KIAA1549L: variants seen among roughly 807,000 people sequenced by gnomAD.
KIAA1549L encodes KIAA1549 like.
KIAA1549L carries 88 observed loss-of-function variants against 160.7 expected under a neutral mutation model. The ratio of observed to expected loss-of-function variants is 0.55; its 90% CI spans 0.46 to 0.65. KIAA1549L has a LOEUF of 0.65. Among genes scored for constraint, KIAA1549L ranks in the 30% least tolerant of loss-of-function variants. The probability of loss-of-function intolerance (pLI) is 0.00; values close to 1 mark genes in which losing one functional copy is unlikely to be tolerated. For missense variants in KIAA1549L, 2,258 were observed against 2,437.5 expected (o/e 0.93, Z 1.55); for synonymous variants, 950 against 976.7 (o/e 0.97, Z 0.51).
chr11:33,416,041 T>C (rs1850881093), intron 1 of KIAA1549L, among the ~76,000 whole-genome samples: 1 of 152,040 alleles, frequency 6.6e-6, no homozygotes, highest in Non-Finnish European at 1.5e-5. Flanking sequence ...TGTCATAAAC[T>C]AATCAACCAA....
At chr11:33,531,632 C>A (rs1296187986) in intron 1 of KIAA1549L, among the ~76,000 whole-genome samples, 2 of 152,176 alleles carry the variant, frequency 1.3e-5, no homozygotes, top group Non-Finnish European at 2.9e-5. Context: ...TCAACAGAAT[C>A]TTCTATTTGC....
chr11:33,498,354 A>G (rs1852867959), intron 1 of KIAA1549L, among the ~76,000 whole-genome samples: 2 of 152,088 alleles, frequency 1.3e-5, no homozygotes, highest in Non-Finnish European at 2.9e-5. Flanking sequence ...TCCTGCTCTC[A>G]TTGGAATACA....
intron 1 of KIAA1549L, among the ~76,000 whole-genome samples, chr11:33,420,940 G>A (rs1425276651): frequency 6.6e-6 from 1 of 152,122 alleles, no homozygotes; most frequent in Non-Finnish European, 1.5e-5. Flanking sequence ...ACCCATGGGA[G>A]GGTGACAAGG....
At chr11:33,423,063 G>C (rs1201011439) in intron 1 of KIAA1549L, among the ~76,000 whole-genome samples, 1 of 152,122 alleles carries the variant, frequency 6.6e-6, no homozygotes, top group Non-Finnish European at 1.5e-5. Flanking sequence ...TTTCTTTGCT[G>C]GTTTGGCCTT....
At chr11:33,577,640 G>A (rs900437527) in intron 10 of KIAA1549L, among the ~76,000 whole-genome samples, 4 of 152,238 alleles carry the variant, frequency 2.6e-5, no homozygotes, top group East Asian at 1.9e-4. Context: ...AAATGAAGTC[G>A]GCAGCTGAAA....
intron 1 of KIAA1549L, among the ~76,000 whole-genome samples, chr11:33,387,119 TAAATA>T (rs770560889): frequency 1.3e-4 from 20 of 151,932 alleles, no homozygotes; most frequent in South Asian, 8.3e-4. Context: ...AAATAAAAGA[TAAATA>T]AAATAAAATA....
At chr11:33,428,336 G>T (rs1031057129) in intron 1 of KIAA1549L, among the ~76,000 whole-genome samples, 2 of 150,302 alleles carry the variant, frequency 1.3e-5, no homozygotes, top group African/African-American at 5.0e-5. Context: ...TAAGTTCTAG[G>T]GTACATGTGC....
intron 15 of KIAA1549L, among the ~76,000 whole-genome samples, chr11:33,613,618 GC>G (rs1234286486): frequency 2.6e-5 from 4 of 152,066 alleles, no homozygotes; most frequent in Non-Finnish European, 5.9e-5. Context: ...CACAGGGACA[GC>G]ACCAACCCAT....
intron 10 of KIAA1549L, among the ~76,000 whole-genome samples, chr11:33,575,389 A>G (rs1050426073): frequency 2.0e-5 from 3 of 152,202 alleles, no homozygotes; most frequent in African/African-American, 7.2e-5. Flanking sequence ...TCGAAGGGGC[A>G]TCTGGAAAGA....
chr11:33,383,455 A>T (rs2753411), intron 1 of KIAA1549L, among the ~76,000 whole-genome samples: 64,776 of 151,884 alleles, frequency 0.43, 15,246 homozygotes, highest in Non-Finnish European at 0.53. Flanking sequence ...CTCTTTGGGG[A>T]CTTCAGGACC....
chr11:33,497,892 G>T (rs1852856413), intron 1 of KIAA1549L, among the ~76,000 whole-genome samples: 1 of 152,178 alleles, frequency 6.6e-6, no homozygotes, highest in Admixed American at 6.5e-5. Context: ...TTGAGCTACG[G>T]TGCCATTCTG....
intron 20 of KIAA1549L, among the ~76,000 whole-genome samples, chr11:33,664,112 C>T (rs1852360586): frequency 6.6e-6 from 1 of 152,184 alleles, no homozygotes; most frequent in Non-Finnish European, 1.5e-5. Context: ...TATATAAAGA[C>T]CCACTCTTAG....
At position 33,650,661 on chromosome 11, in the gene KIAA1549L, C is replaced by A. The variant is rs527426631; in HGVS notation, c.5760+4625C>A. 3.9e-5 allele frequency among the ~76,000 whole-genome samples: 6 copies of A among 152,280 alleles called. No homozygotes were observed. The South Asian group carries it at 1.2e-3, about 32-fold the overall frequency. On this transcript the variant is annotated intron_variant, in intron 17 of 20. Coordinates refer to ENST00000658780, the MANE Select transcript of KIAA1549L (RefSeq NM_012194.3). ...CTCAACACGCCGTCACCAGATTCTT[C>A]CCTTCCTTCCTTCCATGCTTGTGTG...
At chr11:33,586,193 A>T (rs1254926845) in intron 11 of KIAA1549L, among the ~76,000 whole-genome samples, 1 of 152,264 alleles carries the variant, frequency 6.6e-6, no homozygotes, top group Non-Finnish European at 1.5e-5. Context: ...CTAGGAGGAC[A>T]GTCCTGGGGA....
At chr11:33,648,723 C>T (rs1303815476) in intron 17 of KIAA1549L, among the ~76,000 whole-genome samples, 2 of 151,750 alleles carry the variant, frequency 1.3e-5, no homozygotes, top group African/African-American at 4.8e-5. Context: ...CATCTAATGT[C>T]CAATCCAATT....
intron 1 of KIAA1549L, among the ~76,000 whole-genome samples, chr11:33,405,939 C>T (rs936181403): frequency 1.3e-5 from 2 of 150,674 alleles, no homozygotes; most frequent in Non-Finnish European, 2.9e-5. Context: ...GAGGAAGGCT[C>T]TATGTTAATG....
At chr11:33,658,171 C>T (rs1852133655) in intron 18 of KIAA1549L, among the ~76,000 whole-genome samples, 2 of 152,292 alleles carry the variant, frequency 1.3e-5, no homozygotes, top group Admixed American at 1.3e-4. Context: ...GGGCTTGATT[C>T]TCTGATTGCC....
chr11:33,571,786 A>C lies in KIAA1549L; in HGVS notation c.4231-2916A>C, dbSNP rs944844584. ...AACATGAGATTTGGAGAGGACATGTATTCATACTATATCATGATCTTATCA... is the reference window on the plus strand; with the variant it reads ...AACATGAGATTTGGAGAGGACATGTCTTCATACTATATCATGATCTTATCA... On this transcript the variant is annotated intron_variant, in intron 9 of 20. Coordinates refer to ENST00000658780, the MANE Select transcript of KIAA1549L (RefSeq NM_012194.3). Among the ~76,000 whole-genome samples, 6 of 152,086 alleles carry C rather than the reference A, an allele frequency of 3.9e-5. No individual in the cohort carries two copies. The East Asian group carries it at 1.2e-3, about 29-fold the overall frequency.
chr11:33,491,783 A>G (rs1852669136), intron 1 of KIAA1549L, among the ~76,000 whole-genome samples: 1 of 152,206 alleles, frequency 6.6e-6, no homozygotes, highest in Non-Finnish European at 1.5e-5. Context: ...CTTTCAGGAT[A>G]TCTAAGGCTG....
Sources: gnomAD v4.1 joint callset for allele counts (sites outside exome capture counted in the v4.1 genomes callset) on GRCh38, gnomAD v4.1.1 for gene constraint, MANE v1.5 for transcripts, NCBI Gene and HGNC (gene_info 2026-07-23, HGNC 2026-07-21) for gene names.